Variants in CLVS1 observed in about 807,000 individuals in gnomAD.
CLVS1 encodes the protein clavesin-1.
A neutral mutation model predicts 33.1 loss-of-function variants in CLVS1; 10 were observed. That is an observed-to-expected ratio of 0.30 (90% confidence interval 0.19 to 0.51). The LOEUF (loss-of-function observed/expected upper bound fraction) is 0.51, where lower values mean the gene tolerates loss of function less well. Ranked by LOEUF, CLVS1 falls within the 20% of genes least tolerant of loss-of-function variation. The probability of loss-of-function intolerance (pLI) is 0.97; values close to 1 mark genes in which losing one functional copy is unlikely to be tolerated. For missense variants in CLVS1, 343 were observed against 433.4 expected (o/e 0.79, Z 1.85); for synonymous variants, 163 against 166.1 (o/e 0.98, Z 0.14).
chr8:61,358,301 A>G (rs1292912013), intron 2 of CLVS1, among the ~76,000 whole-genome samples: 1 of 152,218 alleles, frequency 6.6e-6, no homozygotes, highest in Non-Finnish European at 1.5e-5. Context: ...CAGCAAGTAA[A>G]ATCAACATAT....
chr8:61,328,651 C>T (rs1811474969), intron 2 of CLVS1, among the ~76,000 whole-genome samples: 1 of 152,144 alleles, frequency 6.6e-6, no homozygotes, highest in African/African-American at 2.4e-5. Flanking sequence ...TTCCCAGATG[C>T]CTTACAAGCC....
At chr8:61,444,595 TATG>T in intron 3 of CLVS1, among the ~76,000 whole-genome samples, 1 of 152,330 alleles carries the variant, frequency 6.6e-6, no homozygotes, top group Non-Finnish European at 1.5e-5. Context: ...GAGTAACTGC[TATG>T]ATAAGTTTGT....
At chr8:61,288,599 G>A (rs1019702061) in intron 1 of CLVS1, among the ~76,000 whole-genome samples, 34 of 152,248 alleles carry the variant, frequency 2.2e-4, no homozygotes, top group Non-Finnish European at 3.7e-4. Context: ...CCCCAGGCAC[G>A]GGGACAGATG....
intron 1 of CLVS1, among the ~76,000 whole-genome samples, chr8:61,057,459 C>T (rs1438505556): frequency 6.6e-6 from 1 of 151,950 alleles, no homozygotes; most frequent in Non-Finnish European, 1.5e-5. Context: ...TGGGTTTGTA[C>T]TCTCTGTTTC....
chr8:61,160,355 T>C (rs1806728787), intron 2 of CLVS1, among the ~76,000 whole-genome samples: 1 of 152,352 alleles, frequency 6.6e-6, no homozygotes. Flanking sequence ...TATGATTCCT[T>C]ACTATGTGAA....
chr8:61,061,203 C>T (rs1804577462), intron 1 of CLVS1, among the ~76,000 whole-genome samples: 1 of 152,124 alleles, frequency 6.6e-6, no homozygotes, highest in Admixed American at 6.5e-5. Context: ...GAACCCAGTT[C>T]CCGACTTTTA....
At chr8:61,393,747 G>A (rs1349616721) in intron 3 of CLVS1, among the ~76,000 whole-genome samples, 1 of 152,184 alleles carries the variant, frequency 6.6e-6, no homozygotes, top group Non-Finnish European at 1.5e-5. Context: ...AAAGAGTCCT[G>A]TGATGTGATC....
At chr8:61,142,157 C>T (rs373135147) in intron 2 of CLVS1, among the ~76,000 whole-genome samples, 5 of 152,144 alleles carry the variant, frequency 3.3e-5, no homozygotes, top group East Asian at 1.9e-4. Flanking sequence ...GAGGGAGCGA[C>T]GTGGTGGGAG....
intron 3 of CLVS1, among the ~76,000 whole-genome samples, chr8:61,426,556 C>T (rs1563548346): frequency 6.6e-6 from 1 of 152,162 alleles, no homozygotes; most frequent in Non-Finnish European, 1.5e-5. Context: ...CACCTTTTCT[C>T]CTGACCCCCA....
intron 2 of CLVS1, among the ~76,000 whole-genome samples, chr8:61,197,618 C>T (rs1205168773): frequency 6.6e-6 from 1 of 152,130 alleles, no homozygotes. Context: ...CTCCTGGGTT[C>T]AAGCGATTCT....
the CLVS1 span, among the ~76,000 whole-genome samples, chr8:61,039,548 C>CT: frequency 2.5e-4 from 38 of 149,904 alleles, no homozygotes; most frequent in African/African-American, 5.9e-4. Context: ...ATAATTTGAA[C>CT]TTTTTTTTTT....
intron 3 of CLVS1, among the ~76,000 whole-genome samples, chr8:61,384,194 A>T (rs1045417286): frequency 3.3e-5 from 5 of 152,144 alleles, no homozygotes; most frequent in African/African-American, 1.2e-4. Flanking sequence ...AATTAATTTA[A>T]TTTTTTTGGA....
chr8:60,977,795 C>T, the CLVS1 span, among the ~76,000 whole-genome samples: 2 of 152,144 alleles, frequency 1.3e-5, no homozygotes, highest in Non-Finnish European at 2.9e-5. Context: ...TACATGAATA[C>T]ATAAATCCAA....
the CLVS1 span, among the ~76,000 whole-genome samples, chr8:61,050,385 T>C: frequency 6.6e-6 from 1 of 152,264 alleles, no homozygotes; most frequent in Non-Finnish European, 1.5e-5. Flanking sequence ...GAGGACTCTA[T>C]GTGGTAGTAT....
intron 5 of CLVS1, among the ~76,000 whole-genome samples, chr8:61,468,716 T>TAAAAAAAAAAAA (rs5891803): frequency 2.2e-5 from 2 of 92,484 alleles, no homozygotes; most frequent in African/African-American, 4.8e-5. Flanking sequence ...GTAAAAGTAC[T>TAAAAAAAAAAAA]AAAAAAAAAA....
intron 2 of CLVS1, among the ~76,000 whole-genome samples, chr8:61,316,962 A>G (rs1010488549): frequency 2.0e-5 from 3 of 152,154 alleles, no homozygotes; most frequent in Non-Finnish European, 4.4e-5. Context: ...AGTCCATAAA[A>G]ATGTTTGGCC....
intron 2 of CLVS1, among the ~76,000 whole-genome samples, chr8:61,375,399 C>T (rs1290748375): frequency 1.5e-4 from 23 of 151,996 alleles, no homozygotes; most frequent in Middle Eastern, 3.4e-3. Context: ...TACAGGTGCC[C>T]GCCACCACGC....
chr8:61,034,964 T>A, the CLVS1 span, among the ~76,000 whole-genome samples: 1 of 152,164 alleles, frequency 6.6e-6, no homozygotes, highest in Non-Finnish European at 1.5e-5. Flanking sequence ...ATCCTTTAAG[T>A]TTAATCAATA....
At chr8:61,002,621 C>T in the CLVS1 span, among the ~76,000 whole-genome samples, 1 of 152,152 alleles carries the variant, frequency 6.6e-6, no homozygotes, top group Non-Finnish European at 1.5e-5. Flanking sequence ...TGAGCCACTG[C>T]ACCCAGCCTG....
Sources: allele counts gnomAD v4.1 joint callset (sites outside exome capture counted in the v4.1 genomes callset), GRCh38; gene constraint gnomAD v4.1.1; transcripts MANE v1.5; gene names NCBI Gene and HGNC (gene_info 2026-07-23, HGNC 2026-07-21).